USP43: variants seen among roughly 807,000 people sequenced by gnomAD.
USP43 encodes ubiquitin specific peptidase 43.
USP43 carries 33 observed loss-of-function variants against 90.7 expected under a neutral mutation model. The observed-to-expected ratio is 0.36, with a 90% CI of 0.28 to 0.49. The LOEUF (loss-of-function observed/expected upper bound fraction) is 0.49, where lower values mean the gene tolerates loss of function less well. Ranked by LOEUF, USP43 falls within the 20% of genes least tolerant of loss-of-function variation. USP43 has a pLI of 0.98. For synonymous variants in USP43, 598 were observed against 615.8 expected (o/e 0.97, Z 0.43); for missense variants, 1,274 against 1,476.4 (o/e 0.86, Z 2.25).
chr17:9,680,186 T>A (rs1465682137), intron 5 of USP43, 45 bp from the exon 6 acceptor site: 2 of 1,601,052 alleles, frequency 1.2e-6, no homozygotes, highest in Non-Finnish European at 1.7e-6. Flanking sequence ...ATCTGTTGAT[T>A]TCTCTTTCAG....
chr17:9,710,037 A>G lies in USP43; in HGVS notation c.2093A>G (p.Asn698Ser), dbSNP rs779451112. The change falls in exon 13 of 15, where the codon AAC becomes AGC. Residue 698 changes from asparagine to serine, a missense_variant. By Grantham distance (46) the Asn-to-Ser change is conservative. Around this residue, in one of 6 missense-constraint regions of USP43, gnomAD observed 285 missense variants for 349.6 expected, o/e 0.82. Transcript: ENST00000285199. ...GAACCGCTTCGAGAAGATGAGGTCA[A>G]CACCAGAGGGGCTTATATCCTGTTC... ...TVEPLREDEV[N>S]TRGAYILFYQ... The G allele has an allele frequency of 4.4e-6, 7 of 1,576,106 alleles. No homozygotes were observed. Among genetic ancestry groups the G allele is most frequent in the East Asian group, 2.4e-5 (1 of 41,600 alleles).
intron 5 of USP43, among the ~76,000 whole-genome samples, chr17:9,679,640 C>G (rs1914030670): frequency 6.6e-6 from 1 of 151,528 alleles, no homozygotes; most frequent in South Asian, 2.1e-4. Flanking sequence ...ATTCTCCTGC[C>G]TCAGCCTCCG....
chr17:9,654,461 A>G (rs1428818596), intron 1 of USP43, among the ~76,000 whole-genome samples: 1 of 151,970 alleles, frequency 6.6e-6, no homozygotes, highest in Non-Finnish European at 1.5e-5. Flanking sequence ...ATCAGCCTGG[A>G]CAACATGGTG....
At chr17:9,667,977 A>G (rs1443922374) in intron 3 of USP43, among the ~76,000 whole-genome samples, 1 of 152,184 alleles carries the variant, frequency 6.6e-6, no homozygotes, top group Non-Finnish European at 1.5e-5. Context: ...GTCCCCTGAA[A>G]TATGTCTAAA....
intron 6 of USP43, 143 bp from the exon 7 acceptor site, chr17:9,682,680 C>G (rs1271970390): frequency 9.9e-7 from 1 of 1,006,278 alleles, no homozygotes; most frequent in Non-Finnish European, 1.4e-6. Context: ...ACCTCATTAT[C>G]TCCTCCCCTA....
chr17:9,699,297 G>A (rs1310699675), intron 9 of USP43, among the ~76,000 whole-genome samples: 1 of 149,332 alleles, frequency 6.7e-6, no homozygotes, highest in African/African-American at 2.5e-5. Flanking sequence ...TTTTCCCAAT[G>A]CATCAGGGCT....
chr17:9,698,473 T>A (rs1361113890), intron 9 of USP43, among the ~76,000 whole-genome samples: 2 of 152,354 alleles, frequency 1.3e-5, no homozygotes, highest in East Asian at 3.9e-4. Flanking sequence ...CAGAATGATC[T>A]CTTTGTATGC....
At chr17:9,675,015 T>C (rs974949955) in intron 4 of USP43, 32 bp downstream of exon 4, 21 of 1,578,248 alleles carry the variant, frequency 1.3e-5, no homozygotes, top group Non-Finnish European at 1.7e-5. Flanking sequence ...CCCGGTGAAC[T>C]TGACTTCCAT....
intron 14 of USP43, among the ~76,000 whole-genome samples, chr17:9,714,483 C>T (rs1324675417): frequency 2.0e-5 from 3 of 151,574 alleles, no homozygotes; most frequent in Non-Finnish European, 2.9e-5. Flanking sequence ...AGTTCGAGAC[C>T]AGCCTGACCA....
chr17:9,669,453 GA>G (rs1913252112), intron 3 of USP43, among the ~76,000 whole-genome samples: 1 of 152,124 alleles, frequency 6.6e-6, no homozygotes, highest in Non-Finnish European at 1.5e-5. Context: ...TTACCATGAG[GA>G]GTAGAACTCC....
chr17:9,706,972 G>A (rs543329110), intron 12 of USP43, among the ~76,000 whole-genome samples: 1 of 152,212 alleles, frequency 6.6e-6, no homozygotes, highest in East Asian at 1.9e-4. Flanking sequence ...ACTAACATAT[G>A]TAAGATGCTT....
At position 9,686,081 on chromosome 17, in the gene USP43, T is replaced by C. The variant is rs1242513785; in HGVS notation, c.1242-717T>C. Among the ~76,000 whole-genome samples the C allele has an allele frequency of 6.6e-6, 1 of 152,230 alleles. No individual in the cohort carries two copies. The highest frequency in any genetic ancestry group is 1.5e-5 in the Non-Finnish European group (1 of 68,046). ...TATTTATCTTTCTGTGCCTGACTTA[T>C]TTCACTTAACATAATGTCCTCCAGC... On this transcript the variant is annotated intron_variant, in intron 7 of 14. Coordinates refer to ENST00000285199, the MANE Select transcript of USP43 (RefSeq NM_153210.5). This position sits in a 1 kb window ranked among gnomAD's most constrained non-coding sequence, Gnocchi z 5.5.
At chr17:9,710,160 T>G in intron 13 of USP43, 46 bp downstream of exon 13, 1 of 1,382,266 alleles carries the variant, frequency 7.2e-7, no homozygotes, top group Non-Finnish European at 9.4e-7. Flanking sequence ...GGGAAGTCAC[T>G]TTAAGAACTG....
At chr17:9,712,809 G>A (rs899840404) in intron 14 of USP43, among the ~76,000 whole-genome samples, 1 of 137,944 alleles carries the variant, frequency 7.2e-6, no homozygotes, top group Non-Finnish European at 1.6e-5. Context: ...TTGTTTGTTT[G>A]TTTGTTAATG....
intron 14 of USP43, among the ~76,000 whole-genome samples, chr17:9,715,289 C>T (rs562988918): frequency 6.6e-6 from 1 of 152,030 alleles, no homozygotes; most frequent in African/African-American, 2.4e-5. Context: ...AGTGAGACCC[C>T]ATCTCTATAA....
At chr17:9,681,462 T>TTTTATATACATATATA (rs1491455898) in intron 6 of USP43, among the ~76,000 whole-genome samples, 1 of 18,578 alleles carries the variant, frequency 5.4e-5, no homozygotes, top group Non-Finnish European at 8.6e-5. Flanking sequence ...ATAAAATATA[T>TTTTATATACATATATA]TATATATATA....
chr17:9,670,100 G>A (rs1307523602), intron 3 of USP43, among the ~76,000 whole-genome samples: 1 of 150,342 alleles, frequency 6.7e-6, no homozygotes, highest in African/African-American at 2.5e-5. Context: ...GTGCAGTGGC[G>A]CAGTCTCGGC....
chr17:9,694,978 A>T (rs1388389985), intron 9 of USP43, among the ~76,000 whole-genome samples: 2 of 152,312 alleles, frequency 1.3e-5, no homozygotes, highest in Admixed American at 1.3e-4. Flanking sequence ...ACAAACCATC[A>T]AACTGGTCTT....
chr17:9,689,073 C>A (rs74863310), intron 8 of USP43, among the ~76,000 whole-genome samples: 7 of 152,260 alleles, frequency 4.6e-5, no homozygotes, highest in African/African-American at 1.7e-4. Context: ...GCCACAGATG[C>A]TTTTTCACAG....
Sources: gnomAD v4.1 joint callset for allele counts (sites outside exome capture counted in the v4.1 genomes callset) on GRCh38, gnomAD v4.1.1 for gene constraint, gnomAD v4.1.1 regional missense constraint, Gnocchi (gnomAD v3.1) non-coding constraint, MANE v1.5 for transcripts, NCBI Gene and HGNC (gene_info 2026-07-23, HGNC 2026-07-21) for gene names.